TAS2R1: variants seen among roughly 807,000 people sequenced by gnomAD.
The protein encoded by TAS2R1 is taste receptor type 2 member 1.
For synonymous variants in TAS2R1, 141 were observed against 134.2 expected, an observed-to-expected ratio of 1.05 and a Z score of -0.35; for missense variants, 370 against 353.4, an observed-to-expected ratio of 1.05 and a Z score of -0.38.
At chr5:9,888,532 C>T in the TAS2R1 span, among the ~76,000 whole-genome samples, 2 of 152,270 alleles carry the variant, frequency 1.3e-5, no homozygotes, top group East Asian at 3.9e-4. Flanking sequence ...GTATGAAGAG[C>T]CTTCTGCCTA....
At chr5:9,850,279 C>G in the TAS2R1 span, among the ~76,000 whole-genome samples, 10 of 152,216 alleles carry the variant, frequency 6.6e-5, no homozygotes, top group African/African-American at 2.4e-4. Context: ...TCTGTTACTT[C>G]CACAAGCCTC....
the TAS2R1 span, among the ~76,000 whole-genome samples, chr5:9,862,382 A>G: frequency 6.6e-6 from 1 of 152,112 alleles, no homozygotes; most frequent in Admixed American, 6.5e-5. Context: ...TTTGTGGGCA[A>G]CCTGTTCTGA....
chr5:9,812,546 A>G, the TAS2R1 span, among the ~76,000 whole-genome samples: 1 of 152,084 alleles, frequency 6.6e-6, no homozygotes, highest in African/African-American at 2.4e-5. Context: ...TGGCCCAAAA[A>G]AAGTCAGTAG....
the TAS2R1 span, among the ~76,000 whole-genome samples, chr5:9,842,137 A>G: frequency 6.6e-6 from 1 of 152,092 alleles, no homozygotes; most frequent in African/African-American, 2.4e-5. Flanking sequence ...CATCACTTGT[A>G]GATCTGTGTC....
the TAS2R1 span, among the ~76,000 whole-genome samples, chr5:9,733,165 A>G: frequency 6.6e-6 from 1 of 152,240 alleles, no homozygotes; most frequent in Admixed American, 6.5e-5. Flanking sequence ...CGTGGAAACC[A>G]CTAGGCTTTA....
the TAS2R1 span, among the ~76,000 whole-genome samples, chr5:9,817,077 A>G: frequency 6.6e-6 from 1 of 152,324 alleles, no homozygotes; most frequent in East Asian, 1.9e-4. Context: ...GTATGAGTCA[A>G]AATCTTTGAT....
the TAS2R1 span, among the ~76,000 whole-genome samples, chr5:9,833,184 GCCT>G: frequency 6.6e-6 from 1 of 152,220 alleles, no homozygotes; most frequent in Non-Finnish European, 1.5e-5. Flanking sequence ...TCTCAGGCGA[GCCT>G]CAGAGAGATG....
chr5:9,842,481 C>T, the TAS2R1 span, among the ~76,000 whole-genome samples: 7 of 151,844 alleles, frequency 4.6e-5, no homozygotes, highest in Non-Finnish European at 8.8e-5. Flanking sequence ...CCACCACGGC[C>T]GGCTAATTTC....
upstream of TAS2R1, among the ~76,000 whole-genome samples, chr5:9,633,555 A>G (rs1325515717): frequency 1.3e-5 from 2 of 151,914 alleles, no homozygotes; most frequent in African/African-American, 2.4e-5. Context: ...ACTAGTTTAC[A>G]TTCCCACCAG....
the TAS2R1 span, among the ~76,000 whole-genome samples, chr5:9,840,857 ATTTTTTTTTTTTT>A: frequency 0.043 from 5,730 of 132,140 alleles, 362 homozygotes; most frequent in East Asian, 0.19. Context: ...TTATTTATTT[ATTTTTTTTTTTTT>A]TTTTTTTTTT....
At chr5:9,809,564 T>C in the TAS2R1 span, among the ~76,000 whole-genome samples, 1 of 152,118 alleles carries the variant, frequency 6.6e-6, no homozygotes. Context: ...CATGGTTACA[T>C]CCTGATCTTG....
At chr5:9,669,479 G>C (rs1360629613) in intron 1 of TAS2R1, among the ~76,000 whole-genome samples, 1 of 151,980 alleles carries the variant, frequency 6.6e-6, no homozygotes, top group Non-Finnish European at 1.5e-5. Context: ...TCTGCACATT[G>C]CACATACCTC....
At chr5:9,823,628 G>T in the TAS2R1 span, among the ~76,000 whole-genome samples, 1 of 138,572 alleles carries the variant, frequency 7.2e-6, no homozygotes, top group Admixed American at 7.3e-5. Flanking sequence ...GAGAGGGAAA[G>T]GGAGGAAGGA....
the TAS2R1 span, among the ~76,000 whole-genome samples, chr5:9,817,133 A>C: frequency 9.2e-5 from 14 of 152,304 alleles, no homozygotes; most frequent in East Asian, 2.7e-3. Context: ...AGGAAAACTG[A>C]TTTTAAGCCC....
upstream of TAS2R1, among the ~76,000 whole-genome samples, chr5:9,715,174 T>G (rs1734781583): frequency 6.6e-6 from 1 of 152,170 alleles, no homozygotes; most frequent in African/African-American, 2.4e-5. Context: ...TAAAGGGAGC[T>G]CCTGAAAGAA....
chr5:9,893,669 C>G, the TAS2R1 span, among the ~76,000 whole-genome samples: 1 of 152,118 alleles, frequency 6.6e-6, no homozygotes. Context: ...AGTTCCCTAT[C>G]CCCCCTCTCC....
chr5:9,759,697 T>C, the TAS2R1 span, among the ~76,000 whole-genome samples: 1 of 152,322 alleles, frequency 6.6e-6, no homozygotes, highest in African/African-American at 2.4e-5. Context: ...TTGTCTAAAA[T>C]GATGTTTGAA....
chr5:9,692,350 T>C (rs185167804), intron 1 of TAS2R1, among the ~76,000 whole-genome samples: 2 of 152,328 alleles, frequency 1.3e-5, no homozygotes, highest in East Asian at 3.9e-4. Context: ...GGTGAAGGAA[T>C]GGACTTTCAA....
intron 2 of TAS2R1, among the ~76,000 whole-genome samples, chr5:9,643,383 A>T (rs1187136551): frequency 6.6e-6 from 1 of 152,176 alleles, no homozygotes; most frequent in Admixed American, 6.5e-5. Context: ...TTGTGTAGCT[A>T]AACATAGAAA....
Sources: gnomAD v4.1 joint callset for allele counts (sites outside exome capture counted in the v4.1 genomes callset) on GRCh38, gnomAD v4.1.1 for gene constraint, MANE v1.5 for transcripts, NCBI Gene and HGNC (gene_info 2026-07-23, HGNC 2026-07-21) for gene names.